TRHDE: variants seen among roughly 807,000 people sequenced by gnomAD.
The protein encoded by TRHDE is thyrotropin-releasing hormone-degrading ectoenzyme.
Under a neutral mutation model 125.7 loss-of-function variants are expected in TRHDE, and 72 were observed. That is an observed-to-expected ratio of 0.57 (90% confidence interval 0.47 to 0.70). TRHDE has a LOEUF of 0.70. TRHDE is among the 30% of genes least tolerant of loss of function. The pLI is 0.00. For missense variants in TRHDE, 1,110 were observed against 1,327.1 expected, an observed-to-expected ratio of 0.84 and a Z score of 2.54; for synonymous variants, 509 against 509.1, an observed-to-expected ratio of 1.00 and a Z score of 0.00.
At chr12:72,292,575 ACAAGT>A (rs751069307) in intron 2 of TRHDE, among the ~76,000 whole-genome samples, 39 of 152,198 alleles carry the variant, frequency 2.6e-4, no homozygotes, top group Non-Finnish European at 5.4e-4. Flanking sequence ...CCATAGCATT[ACAAGT>A]AATGAGGTTG....
chr12:72,365,663 A>G (rs1458107263), intron 2 of TRHDE, among the ~76,000 whole-genome samples: 2 of 152,104 alleles, frequency 1.3e-5, no homozygotes, highest in African/African-American at 4.8e-5. Context: ...AAACACAAAA[A>G]GGAACACACA....
At chr12:72,091,090 T>TCA in intron 1 of TRHDE, among the ~76,000 whole-genome samples, 1 of 152,072 alleles carries the variant, frequency 6.6e-6, no homozygotes, top group Non-Finnish European at 1.5e-5. Context: ...CACAGGCTGG[T>TCA]GTCAAACTCC....
intron 1 of TRHDE, among the ~76,000 whole-genome samples, chr12:72,102,439 T>G (rs1418943106): frequency 6.6e-6 from 1 of 152,212 alleles, no homozygotes; most frequent in Non-Finnish European, 1.5e-5. Context: ...ATAACTTGAT[T>G]GTCTTAGATG....
At chr12:72,495,060 G>GTTTTTTTTTTTTTTTTTTTTTTTTTTTT (rs751243542) in intron 5 of TRHDE, among the ~76,000 whole-genome samples, 2 of 58,390 alleles carry the variant, frequency 3.4e-5, no homozygotes, top group African/African-American at 7.4e-5. Flanking sequence ...TTCCTCCCCC[G>GTTTTTTTTTTTTTTTTTTTTTTTTTTTT]TTTTTTTTTT....
intron 3 of TRHDE, among the ~76,000 whole-genome samples, chr12:72,390,348 A>G (rs1872572402): frequency 6.6e-6 from 1 of 152,228 alleles, no homozygotes; most frequent in South Asian, 2.1e-4. Flanking sequence ...CCAAATAGCA[A>G]TCCAAAGCCC....
At chr12:72,626,363 A>G (rs1454755798) in intron 15 of TRHDE, among the ~76,000 whole-genome samples, 1 of 151,926 alleles carries the variant, frequency 6.6e-6, no homozygotes, top group African/African-American at 2.4e-5. Context: ...AGTGTTCTTC[A>G]GAGTTACCCT....
At chr12:72,246,570 C>A (rs1307443074) in intron 2 of TRHDE, among the ~76,000 whole-genome samples, 1 of 152,124 alleles carries the variant, frequency 6.6e-6, no homozygotes, top group Non-Finnish European at 1.5e-5. Context: ...CGGGCCTGCT[C>A]ACTTTCACCG....
chr12:72,122,645 TAG>T (rs1367057256), intron 2 of TRHDE, among the ~76,000 whole-genome samples: 1 of 152,076 alleles, frequency 6.6e-6, no homozygotes, highest in Non-Finnish European at 1.5e-5. Flanking sequence ...TCAAAACACT[TAG>T]AGTTTTATAT....
chr12:72,527,138 A>T (rs1187049949), intron 6 of TRHDE, among the ~76,000 whole-genome samples: 1 of 152,146 alleles, frequency 6.6e-6, no homozygotes, highest in Non-Finnish European at 1.5e-5. Context: ...TTACTCAGTT[A>T]TCTAGTTTAA....
chr12:72,658,246 CAGAA>C (rs1404877035), intron 18 of TRHDE, among the ~76,000 whole-genome samples: 1 of 152,090 alleles, frequency 6.6e-6, no homozygotes, highest in African/African-American at 2.4e-5. Flanking sequence ...CCATAAAAAA[CAGAA>C]AGAAAGAACA....
At chr12:72,658,566 T>G (rs1283111087) in intron 18 of TRHDE, among the ~76,000 whole-genome samples, 3 of 152,216 alleles carry the variant, frequency 2.0e-5, no homozygotes, top group African/African-American at 7.2e-5. Flanking sequence ...CTGGACTTGG[T>G]ATTACCCAGG....
Position 72,272,505 on chromosome 12 carries a change from T to C in TRHDE, c.-139T>C. 1.8e-6 allele frequency: 1 copy of C among 548,082 alleles called. No individual in the cohort carries two copies. 34.0% of individuals were successfully genotyped at this position (548,082 alleles called of 1,614,324 possible). ...CCGTCGCTTGTGTCCAGAACCCGTC[T>C]TAAAAGAACCCGGGCCAGCATCCCC... On this transcript the variant is annotated 5_prime_UTR_variant, in exon 1 of 19. Coordinates refer to ENST00000261180, the MANE Select transcript of TRHDE (RefSeq NM_013381.3). The surrounding 1 kb of genome is among the most constrained non-coding windows in gnomAD (Gnocchi z 6.7).
chr12:72,370,169 T>C (rs1375907113), intron 2 of TRHDE, among the ~76,000 whole-genome samples: 1 of 152,136 alleles, frequency 6.6e-6, no homozygotes, highest in Non-Finnish European at 1.5e-5. Flanking sequence ...AGGTGAATGA[T>C]TGTTTTTAAG....
chr12:72,658,089 T>A (rs1427924108), intron 18 of TRHDE, among the ~76,000 whole-genome samples: 5 of 152,188 alleles, frequency 3.3e-5, no homozygotes, highest in Non-Finnish European at 7.3e-5. Flanking sequence ...TAAGCTAAGC[T>A]AAGTCTCTGA....
chr12:72,374,949 T>G (rs1300796059), intron 2 of TRHDE, among the ~76,000 whole-genome samples: 1 of 152,168 alleles, frequency 6.6e-6, no homozygotes, highest in African/African-American at 2.4e-5. Context: ...ACCTTGGCTA[T>G]ACAGGAAACT....
At chr12:72,157,056 T>C (rs528919597) in intron 2 of TRHDE, among the ~76,000 whole-genome samples, 3 of 151,946 alleles carry the variant, frequency 2.0e-5, no homozygotes, top group Non-Finnish European at 4.4e-5. Context: ...CAAGCCAATA[T>C]CTGGGGGATG....
At chr12:72,338,664 CAAT>C (rs1869942073) in intron 2 of TRHDE, among the ~76,000 whole-genome samples, 1 of 152,104 alleles carries the variant, frequency 6.6e-6, no homozygotes, top group African/African-American at 2.4e-5. Flanking sequence ...CCTGTGCAAA[CAAT>C]GATGTGCCAT....
chr12:72,104,433 T>A (rs1875136861), intron 1 of TRHDE, among the ~76,000 whole-genome samples: 1 of 152,172 alleles, frequency 6.6e-6, no homozygotes, highest in South Asian at 2.1e-4. Flanking sequence ...GTTTCCTTGA[T>A]AAGCTCTAAA....
At chr12:72,288,167 G>C (rs139962153) in intron 2 of TRHDE, among the ~76,000 whole-genome samples, 13 of 152,184 alleles carry the variant, frequency 8.5e-5, no homozygotes, top group Non-Finnish European at 1.9e-4. Flanking sequence ...TTCTCATCCA[G>C]TAACCTTTGT....
Sources: allele counts gnomAD v4.1 joint callset (sites outside exome capture counted in the v4.1 genomes callset), GRCh38; gene constraint gnomAD v4.1.1; non-coding constraint Gnocchi (gnomAD v3.1); transcripts MANE v1.5; gene names NCBI Gene and HGNC (gene_info 2026-07-23, HGNC 2026-07-21).